Variants in TMEM39B observed in about 807,000 individuals in gnomAD.
TMEM39B encodes transmembrane protein 39B.
TMEM39B carries 23 observed loss-of-function variants against 52.2 expected under a neutral mutation model. The observed-to-expected ratio is 0.44, with a 90% CI of 0.32 to 0.62. The LOEUF (loss-of-function observed/expected upper bound fraction) is 0.62, where lower values mean the gene tolerates loss of function less well. TMEM39B is among the 20% of genes least tolerant of loss of function. The probability of loss-of-function intolerance (pLI) is 0.06; values close to 1 mark genes in which losing one functional copy is unlikely to be tolerated. For missense variants in TMEM39B, 547 were observed against 642.0 expected, an observed-to-expected ratio of 0.85 and a Z score of 1.60; for synonymous variants, 285 against 264.0, an observed-to-expected ratio of 1.08 and a Z score of -0.77.
At chr1:32,090,163 TA>T (rs1258233278) in intron 5 of TMEM39B, among the ~76,000 whole-genome samples, 1 of 152,036 alleles carries the variant, frequency 6.6e-6, no homozygotes, top group Non-Finnish European at 1.5e-5. Flanking sequence ...GGAATATTTA[TA>T]AAAGCCCCTA....
At chr1:32,076,080 G>T in intron 3 of TMEM39B, 1 of 263,118 alleles carries the variant, frequency 3.8e-6, no homozygotes, top group Non-Finnish European at 7.2e-6. Flanking sequence ...AAGGAGCTCA[G>T]AGTCCTTTTC....
chr1:32,091,505 G>T (rs1428313011), intron 5 of TMEM39B, among the ~76,000 whole-genome samples, 170 bp from the exon 6 acceptor site: 2 of 152,210 alleles, frequency 1.3e-5, no homozygotes, highest in Non-Finnish European at 2.9e-5. Flanking sequence ...CGTGTGCTGA[G>T]TGACTGGCCA....
At chr1:32,075,581 GT>G (rs1639819365) in intron 2 of TMEM39B, 21 bp from the exon 3 acceptor site, 1 of 1,539,778 alleles carries the variant, frequency 6.5e-7, no homozygotes, top group East Asian at 2.5e-5. Flanking sequence ...AGCTGCTGAT[GT>G]TGTTCCCTCC....
intron 5 of TMEM39B, among the ~76,000 whole-genome samples, chr1:32,087,262 G>A (rs1329992676): frequency 6.8e-6 from 1 of 146,168 alleles, no homozygotes; most frequent in African/African-American, 2.6e-5. Context: ...AGGTTGCAGT[G>A]AGCCGAGAAT....
At chr1:32,079,680 T>C (rs1482568970) in intron 5 of TMEM39B, among the ~76,000 whole-genome samples, 1 of 152,156 alleles carries the variant, frequency 6.6e-6, no homozygotes, top group Non-Finnish European at 1.5e-5. Context: ...ACTATGGGCA[T>C]GCGCCATCAT....
At chr1:32,099,431 T>A (rs1167120577) in intron 7 of TMEM39B, among the ~76,000 whole-genome samples, 3 of 152,102 alleles carry the variant, frequency 2.0e-5, no homozygotes, top group Non-Finnish European at 4.4e-5. Context: ...CAAACCTGCA[T>A]GTTGTACACA....
Position 32,102,643 on chromosome 1 carries a change from C to T in TMEM39B, c.1449C>T (p.Pro483=), listed in dbSNP as rs901237565. The T allele has an allele frequency of 1.3e-6, 2 of 1,599,246 alleles. No individual in the cohort carries two copies. Among genetic ancestry groups the T allele is most frequent in the African/African-American group, 1.3e-5 (1 of 74,518 alleles). Reference sequence around the variant, plus strand: ...AGGCCTACTCATACTCTGCTAGCCCCCAGAGAGACCTGGACCACCGTTTCT... The same window carrying T: ...AGGCCTACTCATACTCTGCTAGCCCTCAGAGAGACCTGGACCACCGTTTCT... ...LGKAYSYSAS[P]QRDLDHRFS Residue 483 remains proline (P), a synonymous_variant, in exon 9 of 9, where the codon CCC becomes CCT. Transcript: ENST00000336294.
At chr1:32,080,674 CAAAAA>C (rs947127249) in intron 5 of TMEM39B, among the ~76,000 whole-genome samples, 1 of 51,688 alleles carries the variant, frequency 1.9e-5, no homozygotes, top group Admixed American at 2.0e-4. Flanking sequence ...GACTCTGTCT[CAAAAA>C]AAAAAAAAAA....
At chr1:32,072,812 C>G (rs920564259), upstream of TMEM39B, 3 of 543,884 alleles carry the variant, frequency 5.5e-6, no homozygotes, top group Non-Finnish European at 9.7e-6. Flanking sequence ...GCAGGAAGGG[C>G]GTGGGGGACC....
chr1:32,097,977 T>TTA (rs1198489217), intron 7 of TMEM39B, among the ~76,000 whole-genome samples: 1 of 151,950 alleles, frequency 6.6e-6, no homozygotes, highest in Non-Finnish European at 1.5e-5. Flanking sequence ...TTCATTCATG[T>TTA]TATGAGTCGC....
At position 32,091,767 on chromosome 1, in the gene TMEM39B, C is replaced by T. The variant is rs1281766197; in HGVS notation, c.683C>T (p.Ala228Val). The T allele has an allele frequency of 2.2e-5, 36 of 1,614,086 alleles. No individual in the cohort carries two copies. Among genetic ancestry groups the T allele is most frequent in the Admixed American group, 5.0e-5 (3 of 60,008 alleles). The change falls in exon 6 of 9, where the codon GCG (alanine) becomes GTG (valine). Residue 228 changes from alanine (A) to valine (V), a missense_variant. Physicochemically the swap from Ala to Val is moderately conservative, Grantham distance 64. Transcript: ENST00000336294. ...NHMASMGPRE[A>V]VSGLAKSRDY... ...ATGGCCTCCATGGGGCCCCGGGAGG[C>T]GGTCAGTGGCCTGGCAAAGAGCCGG...
chr1:32,096,243 C>T lies in TMEM39B; in HGVS notation c.1115+1272C>T, dbSNP rs944202394. 8.5e-5 allele frequency among the ~76,000 whole-genome samples: 13 copies of T among 152,074 alleles called. No homozygotes were observed. The East Asian group carries it at 2.5e-3, about 29-fold the overall frequency. On this transcript the variant is annotated intron_variant, in intron 7 of 8. Coordinates refer to ENST00000336294, the MANE Select transcript of TMEM39B (RefSeq NM_018056.4). ...CTATTCATCCTTTAGCACTTTGCTT[C>T]CTCCAGGAACACTTTCCTGACCATC...
chr1:32,086,775 AAAAAG>A (rs1216270462), intron 5 of TMEM39B, among the ~76,000 whole-genome samples: 1 of 151,976 alleles, frequency 6.6e-6, no homozygotes, highest in Non-Finnish European at 1.5e-5. Flanking sequence ...TCAAAAAAAA[AAAAAG>A]AGAGAGAAAC....
intron 3 of TMEM39B, chr1:32,076,547 C>T (rs1456149338): frequency 2.9e-6 from 2 of 685,978 alleles, no homozygotes; most frequent in Non-Finnish European, 5.3e-6. Context: ...GCTCACATAC[C>T]ACTCTCTTAT....
intron 5 of TMEM39B, among the ~76,000 whole-genome samples, chr1:32,086,544 A>G (rs1232740072): frequency 6.6e-6 from 1 of 152,078 alleles, no homozygotes; most frequent in Non-Finnish European, 1.5e-5. Flanking sequence ...AGGCAGGCGG[A>G]TGGCTTGAGC....
Position 32,091,856 on chromosome 1 carries a change from G to C in TMEM39B, c.772G>C (p.Ala258Pro). 1.9e-6 allele frequency: 3 copies of C among 1,614,196 alleles called. No homozygotes were observed. The highest frequency in any genetic ancestry group is 2.5e-6 in the Non-Finnish European group (3 of 1,180,036). ...QHTRQLYGPD[A>P]MPTHACCLSP... ...CACAAGACAGCTGTATGGCCCGGAC[G>C]CCATGCCCACCCATGCCTGCTGCCT... is the stretch of plus-strand genomic sequence containing the variant. Residue 258 changes from alanine (A) to proline (P), a missense_variant, in exon 6 of 9, where the codon GCC (alanine) becomes CCC (proline). Coordinates refer to ENST00000336294, the MANE Select transcript of TMEM39B (RefSeq NM_018056.4).
At chr1:32,098,933 C>G (rs1640915373) in intron 7 of TMEM39B, among the ~76,000 whole-genome samples, 1 of 152,040 alleles carries the variant, frequency 6.6e-6, no homozygotes, top group South Asian at 2.1e-4. Context: ...GGACTAGTAG[C>G]AGGAGATGCA....
chr1:32,075,139 C>T (rs1486009387), intron 2 of TMEM39B, 62 bp downstream of exon 2: 1 of 1,491,732 alleles, frequency 6.7e-7, no homozygotes, highest in Non-Finnish European at 9.0e-7. Flanking sequence ...GGACAGGGCT[C>T]TCTCTGACTG....
Position 32,085,471 on chromosome 1 carries a change from G to A in TMEM39B, c.591-6204G>A, listed in dbSNP as rs905140797. 2.0e-5 allele frequency among the ~76,000 whole-genome samples: 3 copies of A among 152,006 alleles called. No individual in the cohort carries two copies. The South Asian group carries it at 6.2e-4, about 32-fold the overall frequency. Reference sequence around the variant, plus strand: ...TTCTTGTTTTAAAAATCTCTTATTTGGCTGGGCGTGGTGGCTCACGCCAGT... The same window carrying A: ...TTCTTGTTTTAAAAATCTCTTATTTAGCTGGGCGTGGTGGCTCACGCCAGT... On this transcript the variant is annotated intron_variant, in intron 5 of 8. Coordinates refer to ENST00000336294, the MANE Select transcript of TMEM39B (RefSeq NM_018056.4).
Sources: gnomAD v4.1 joint callset for allele counts (sites outside exome capture counted in the v4.1 genomes callset) on GRCh38, gnomAD v4.1.1 for gene constraint, MANE v1.5 for transcripts, NCBI Gene and HGNC (gene_info 2026-07-23, HGNC 2026-07-21) for gene names.